Variants in WBP2NL observed in about 807,000 individuals in gnomAD.
WBP2NL encodes the protein WBP2 N-terminal like.
In WBP2NL, 27 loss-of-function variants were observed where a neutral mutation model predicts 23.3. The ratio of observed to expected loss-of-function variants is 1.16; its 90% CI spans 0.85 to 1.60. WBP2NL has a LOEUF of 1.60. WBP2NL is among the 40% of genes most tolerant of loss of function. WBP2NL has a pLI of 0.00. For missense variants in WBP2NL, 370 were observed against 389.5 expected, an observed-to-expected ratio of 0.95 and a Z score of 0.42; for synonymous variants, 151 against 145.9, an observed-to-expected ratio of 1.03 and a Z score of -0.25.
At chr22:42,056,727 C>T (rs575888284) in intron 8 of WBP2NL, among the ~76,000 whole-genome samples, 1 of 151,944 alleles carries the variant, frequency 6.6e-6, no homozygotes, top group African/African-American at 2.4e-5. Context: ...TTTGTGGCTG[C>T]ATAGTAGGTG....
At chr22:42,026,581 C>A (rs1924516503) in intron 5 of WBP2NL, among the ~76,000 whole-genome samples, 185 bp from the exon 6 acceptor site, 1 of 152,104 alleles carries the variant, frequency 6.6e-6, no homozygotes, top group Non-Finnish European at 1.5e-5. Context: ...TGATTTGAAT[C>A]CCTGCACAAC....
intron 8 of WBP2NL, among the ~76,000 whole-genome samples, chr22:42,053,521 G>A (rs943956841): frequency 2.7e-5 from 4 of 150,606 alleles, no homozygotes; most frequent in Non-Finnish European, 5.9e-5. Flanking sequence ...GTGCAGTGGC[G>A]CGATCTCAGC....
chr22:42,048,035 TAAA>T lies in WBP2NL; in HGVS notation c.*274-10252_*274-10250del, dbSNP rs1473952933. On this transcript the variant is annotated intron_variant and NMD_transcript_variant, in intron 8 of 8. Transcript: ENST00000436265. ...TAATAAACGGAATCCAAGAATATAT[TAAA>T]AATACACCATGACCAAGTAGAATTT... 2.6e-5 allele frequency among the ~76,000 whole-genome samples: 4 copies of T among 152,104 alleles called. No individual in the cohort carries two copies. The East Asian group carries it at 5.8e-4, about 22-fold the overall frequency.
chr22:42,020,866 G>GTGTATATGTATA (rs1385412095), intron 4 of WBP2NL, among the ~76,000 whole-genome samples: 39 of 15,590 alleles, frequency 2.5e-3, no homozygotes, highest in African/African-American at 3.0e-3. Context: ...GTGTGTGTGT[G>GTGTATATGTATA]TGTATATATA....
intron 8 of WBP2NL, among the ~76,000 whole-genome samples, chr22:42,049,720 A>AC (rs1925759885): frequency 2.0e-5 from 3 of 149,954 alleles, no homozygotes; most frequent in Admixed American, 6.6e-5. Context: ...AAAAAAAAAA[A>AC]AAAAAAAAAA....
At chr22:42,037,458 G>A (rs944705367), downstream of WBP2NL, among the ~76,000 whole-genome samples, 2 of 136,964 alleles carry the variant, frequency 1.5e-5, no homozygotes, top group Non-Finnish European at 3.1e-5. Flanking sequence ...TGAATTTTAG[G>A]ATTTTTTTTT....
downstream of WBP2NL, among the ~76,000 whole-genome samples, chr22:42,033,657 C>T (rs1480461371): frequency 6.6e-6 from 1 of 151,868 alleles, no homozygotes; most frequent in African/African-American, 2.4e-5. Flanking sequence ...ATCTCTGTGG[C>T]TCTCAGCAGA....
chr22:42,020,904 ATATATTTTTTTTTTTTTT>A (rs1923904352), intron 4 of WBP2NL, among the ~76,000 whole-genome samples: 1 of 28,278 alleles, frequency 3.5e-5, no homozygotes, highest in African/African-American at 2.1e-4. Flanking sequence ...ATATATATAT[ATATATTTTTTTTTTTTTT>A]TTTTTTTTTT....
chr22:42,037,079 G>T (rs771708850), downstream of WBP2NL, among the ~76,000 whole-genome samples: 8 of 151,508 alleles, frequency 5.3e-5, no homozygotes, highest in Non-Finnish European at 8.8e-5. Flanking sequence ...TGAGCCTTTT[G>T]TCTATTTGAG....
intron 8 of WBP2NL, among the ~76,000 whole-genome samples, chr22:42,043,972 C>A (rs1238148414): frequency 6.6e-6 from 1 of 152,200 alleles, no homozygotes; most frequent in African/African-American, 2.4e-5. Flanking sequence ...AGTGATCCAC[C>A]CACCTTGGCC....
downstream of WBP2NL, among the ~76,000 whole-genome samples, chr22:42,037,429 G>C (rs1443980570): frequency 4.0e-5 from 6 of 151,210 alleles, no homozygotes; most frequent in African/African-American, 1.5e-4. Flanking sequence ...GGCTATTCAG[G>C]GTTTTTTGTA....
At chr22:42,009,028 C>G (rs1054494550) in intron 1 of WBP2NL, among the ~76,000 whole-genome samples, 1 of 152,204 alleles carries the variant, frequency 6.6e-6, no homozygotes, top group African/African-American at 2.4e-5. Context: ...ATCCACCCGC[C>G]TCAGCCTCCC....
downstream of WBP2NL, chr22:42,033,045 A>G (rs133350): frequency 0.72 from 118,559 of 164,492 alleles, 43,589 homozygotes; most frequent in African/African-American, 0.87. Flanking sequence ...ACCCGGCCTG[A>G]CAGGCTGCAC....
downstream of WBP2NL, chr22:42,032,589 C>A: frequency 3.6e-6 from 1 of 277,564 alleles, no homozygotes; most frequent in Non-Finnish European, 7.6e-6. Context: ...ATGTAGAAGC[C>A]CAATTCAAAT....
chr22:42,019,226 A>G (rs1923642758), intron 1 of WBP2NL, 85 bp from the exon 2 acceptor site: 4 of 1,386,560 alleles, frequency 2.9e-6, no homozygotes, highest in African/African-American at 1.5e-5. Flanking sequence ...GTCTCAAAAA[A>G]AAAAAAAAAT....
intron 8 of WBP2NL, among the ~76,000 whole-genome samples, chr22:42,044,155 G>C (rs1215914038): frequency 2.0e-5 from 3 of 152,310 alleles, no homozygotes; most frequent in African/African-American, 4.8e-5. Context: ...GTTTCACCAA[G>C]TCTGTGCCTA....
At chr22:42,037,851 GT>G (rs34119252), downstream of WBP2NL, among the ~76,000 whole-genome samples, 1 of 12,252 alleles carries the variant, frequency 8.2e-5, no homozygotes, top group Non-Finnish European at 1.4e-4. Flanking sequence ...GAGAGTGAGA[GT>G]GTGTGTGTGT....
At chr22:42,021,319 C>A (rs547260316) in intron 4 of WBP2NL, among the ~76,000 whole-genome samples, 2 of 152,104 alleles carry the variant, frequency 1.3e-5, no homozygotes, top group East Asian at 3.9e-4. Context: ...TGGGCCAGGC[C>A]TGGAAACTGT....
chr22:42,057,416 G>A (rs951494480), intron 8 of WBP2NL, among the ~76,000 whole-genome samples: 1 of 151,926 alleles, frequency 6.6e-6, no homozygotes, highest in Admixed American at 6.6e-5. Flanking sequence ...TTCTGTTTGG[G>A]CATCATTCTT....
Sources: allele counts gnomAD v4.1 joint callset (sites outside exome capture counted in the v4.1 genomes callset), GRCh38; gene constraint gnomAD v4.1.1; transcripts MANE v1.5; gene names NCBI Gene and HGNC (gene_info 2026-07-23, HGNC 2026-07-21).